Variants in FASTKD2 observed in about 807,000 individuals in gnomAD.
FASTKD2 encodes the protein FAST kinase domains 2, also known as FAST kinase domain-containing protein 2, mitochondrial.
A neutral mutation model predicts 63.6 loss-of-function variants in FASTKD2; 51 were observed. The ratio of observed to expected loss-of-function variants is 0.80; its 90% confidence interval spans 0.64 to 1.01. The LOEUF (loss-of-function observed/expected upper bound fraction) is 1.01. Among genes scored for constraint, FASTKD2 ranks in the 50% least tolerant of loss-of-function variants. FASTKD2 has a pLI of 0.00. For missense variants in FASTKD2, 786 were observed against 831.1 expected (o/e 0.95, Z 0.67); for synonymous variants, 284 against 293.4 (o/e 0.97, Z 0.33).
In FASTKD2 at chr2:206,767,295, G is replaced by T. The variant is rs150994958; in HGVS notation, c.602G>T (p.Arg201Leu). The change falls in exon 2 of 12, where the codon CGC becomes CTC. Residue 201 changes from arginine (R) to leucine (L), a missense_variant. Coordinates refer to ENST00000402774, the MANE Select transcript of FASTKD2 (RefSeq NM_001136193.2). ...AAAAGACTGTCTGATGACCAGAAGC[G>T]CTTTGAAAAACGACTGATGTTTAGC... Reference protein sequence around the residue: ...IAKRLSDDQKRFEKRLMFSHP... With the variant: ...IAKRLSDDQKLFEKRLMFSHP... 1 of 1,614,162 alleles carries T rather than the reference G, an allele frequency of 6.2e-7. No individual in the cohort carries two copies. The highest frequency in any genetic ancestry group is 1.3e-5 in the African/African-American group (1 of 75,040).
Position 206,794,187 on chromosome 2 carries a change from G to T in FASTKD2, c.*2385G>T, listed in dbSNP as rs535326271. 1.3e-5 allele frequency among the ~76,000 whole-genome samples: 2 copies of T among 151,942 alleles called. No homozygotes were observed. The highest frequency in any genetic ancestry group is 6.6e-5 in the Admixed American group (1 of 15,262). On this transcript the variant is annotated 3_prime_UTR_variant, in exon 12 of 12. Coordinates refer to ENST00000402774, the MANE Select transcript of FASTKD2 (RefSeq NM_001136193.2). ...ATGAATATATCTATCACCTCTAAAA[G>T]GTTCCTGTCTTTGCTTTTTTCTCTG... is the stretch of plus-strand genomic sequence containing the variant.
In FASTKD2 at chr2:206,791,642, A is replaced by G. The variant is rs751560000; in HGVS notation, c.2014-41A>G. The G allele has an allele frequency of 2.5e-6, 4 of 1,594,944 alleles. No individual in the cohort carries two copies. In the East Asian group the frequency reaches 9.0e-5, roughly 36 times the overall value. ...TCTCTAAACTAGCTCTTTTGTTAGT[A>G]TCGTCTCACAAACTGATTATTTTCC... On this transcript the variant is annotated intron_variant, in intron 11 of 11. Coordinates refer to ENST00000402774, the MANE Select transcript of FASTKD2 (RefSeq NM_001136193.2).
rs187319996 is a variant in FASTKD2, at chr2:206,781,384, C to T, written c.1428-5349C>T. On this transcript the variant is annotated intron_variant, in intron 7 of 11. Coordinates refer to ENST00000402774, the MANE Select transcript of FASTKD2 (RefSeq NM_001136193.2). ...AGGCTGGAGTGCAGTGGCACGATCT[C>T]GGCTTACTGCAACCTCTGCCTCCCA... 2.6e-3 allele frequency among the ~76,000 whole-genome samples: 341 copies of T among 130,140 alleles called. 2 individuals carry two copies. Among genetic ancestry groups the T allele is most frequent in the African/African-American group, 9.0e-3 (319 of 35,390 alleles). 85.4% of individuals were successfully genotyped at this position (130,140 alleles called of 152,430 possible). A position where few individuals can be genotyped will look rare whatever the true frequency, so the allele number is the denominator to read the frequency against.
At chr2:206,768,393 A>T (rs1689582173) in intron 2 of FASTKD2, among the ~76,000 whole-genome samples, 1 of 152,104 alleles carries the variant, frequency 6.6e-6, no homozygotes, top group Admixed American at 6.5e-5. Context: ...TGACGTATAA[A>T]CTCAGTGATA....
At position 206,772,257 on chromosome 2, in the gene FASTKD2, G is replaced by A. The variant is rs1689704901; in HGVS notation, c.1191G>A (p.Leu397=). The A allele has an allele frequency of 6.2e-7, 1 of 1,613,696 alleles. No individual in the cohort carries two copies. The highest frequency in any genetic ancestry group is 1.7e-5 in the Admixed American group (1 of 60,006). Residue 397 remains leucine (L), a synonymous_variant, in exon 6 of 12, where the codon TTG becomes TTA. Coordinates refer to ENST00000402774, the MANE Select transcript of FASTKD2 (RefSeq NM_001136193.2). ...QSCKDLQYHN[L]DLFKGLADYV... ...GCAAAGACCTCCAGTACCATAATTT[G>A]GATCTCTTCAAGGGACTTGCAGATT...
At chr2:206,783,886 A>G (rs1690063040) in intron 7 of FASTKD2, among the ~76,000 whole-genome samples, 1 of 152,198 alleles carries the variant, frequency 6.6e-6, no homozygotes, top group Non-Finnish European at 1.5e-5. Flanking sequence ...TTTAGTTGCC[A>G]CAACAGGAGG....
At chr2:206,769,623 AG>A (rs1689612910) in intron 2 of FASTKD2, among the ~76,000 whole-genome samples, 1 of 152,214 alleles carries the variant, frequency 6.6e-6, no homozygotes, top group South Asian at 2.1e-4. Flanking sequence ...GTAAAGTTTC[AG>A]CTTGATACCC....
chr2:206,777,008 AC>A (rs1407575508), intron 7 of FASTKD2, among the ~76,000 whole-genome samples: 3 of 137,682 alleles, frequency 2.2e-5, no homozygotes, highest in African/African-American at 7.9e-5. Flanking sequence ...CAAGTCTTTC[AC>A]TTCCTTAAGT....
intron 6 of FASTKD2, 34 bp from the exon 7 acceptor site, chr2:206,774,190 AT>A (rs750100577): frequency 4.0e-5 from 58 of 1,461,302 alleles, no homozygotes; most frequent in Non-Finnish European, 4.9e-5. Context: ...TACTGTAATT[AT>A]TATAGAGTTT....
Position 206,790,651 on chromosome 2 carries a change from C to A in FASTKD2, c.1978C>A (p.Arg660=), listed in dbSNP as rs186489901. The A allele has an allele frequency of 1.2e-6, 2 of 1,611,726 alleles. No individual in the cohort carries two copies. The highest frequency in any genetic ancestry group is 1.1e-5 in the South Asian group (1 of 91,044). Residue 660 remains arginine, a synonymous_variant, in exon 11 of 12, where the codon CGG becomes AGG. Coordinates refer to ENST00000402774, the MANE Select transcript of FASTKD2 (RefSeq NM_001136193.2). ...HPRGFLAMKM[R]HLNAMGFHVI... ...CAGAGGATTCCTTGCTATGAAAATG[C>A]GGCATTTGAATGCAATGGGTTTTCA...
chr2:206,792,952 C>T lies in FASTKD2; in HGVS notation c.*1150C>T, dbSNP rs911114959. On this transcript the variant is annotated 3_prime_UTR_variant, in exon 12 of 12. Transcript: ENST00000402774. ...GAAAATACAAAAACTGGGCTGGGCA[C>T]GGTGGCTCGTGCTTGTCATCCCAGC... 2.0e-5 allele frequency among the ~76,000 whole-genome samples: 3 copies of T among 152,096 alleles called. No individual in the cohort carries two copies. Among genetic ancestry groups the T allele is most frequent in the Non-Finnish European group, 2.9e-5 (2 of 68,022 alleles).
intron 5 of FASTKD2, 59 bp from the exon 6 acceptor site, chr2:206,772,122 C>T (rs1364098421): frequency 1.9e-6 from 3 of 1,586,674 alleles, no homozygotes; most frequent in South Asian, 1.1e-5. Context: ...AAGAATAAAG[C>T]ATGTTGTATT....
chr2:206,785,443 T>G (rs1690114635), intron 7 of FASTKD2, among the ~76,000 whole-genome samples: 1 of 152,094 alleles, frequency 6.6e-6, no homozygotes, highest in African/African-American at 2.4e-5. Flanking sequence ...CATGGAAAGA[T>G]AAGCAGGAAA....
At position 206,794,585 on chromosome 2, in the gene FASTKD2, A is replaced by G. The variant is rs992977864; in HGVS notation, c.*2783A>G. On this transcript the variant is annotated 3_prime_UTR_variant, in exon 12 of 12. Coordinates refer to ENST00000402774, the MANE Select transcript of FASTKD2 (RefSeq NM_001136193.2). ...ACATTTACCAGCTCTCCGAATTCTC[A>G]GTAGTTACCACTGAATAGAAACTTT... Among the ~76,000 whole-genome samples the G allele has an allele frequency of 2.0e-5, 3 of 152,192 alleles. No homozygotes were observed. The South Asian group carries it at 6.2e-4, about 32-fold the overall frequency.
rs1386506468 is a variant in FASTKD2 at position 206,791,922 on chromosome 2, C to G, written c.*120C>G. 1.2e-6 allele frequency: 1 copy of G among 859,688 alleles called. No homozygotes were observed. The highest frequency in any genetic ancestry group is 2.6e-5 in the East Asian group (1 of 37,792). The allele number at this position is 859,688 out of a possible 1,614,324, so 53.3% of individuals were successfully genotyped here. A position where few individuals can be genotyped will look rare whatever the true frequency, so the allele number is the denominator to read the frequency against. ...AGACAAAAAATGTTACCTCAGTTCA[C>G]TATTAAAATTAATTTTAGGAGTGGA... On this transcript the variant is annotated 3_prime_UTR_variant, in exon 12 of 12. Coordinates refer to ENST00000402774, the MANE Select transcript of FASTKD2 (RefSeq NM_001136193.2).
chr2:206,766,911 T>C lies in FASTKD2; in HGVS notation c.218T>C (p.Ile73Thr), dbSNP rs372274271. The C allele has an allele frequency of 3.8e-6, 6 of 1,598,004 alleles. No individual in the cohort carries two copies. Among genetic ancestry groups the C allele is most frequent in the Admixed American group, 1.7e-5 (1 of 57,818 alleles). ...CATAACAGAATGCAATCAACTGATA[T>C]CATTAGATATCTCTTTCAGGATGCA... ...NFHNRMQSTD[I>T]IRYLFQDAFI... Residue 73 changes from isoleucine to threonine, a missense_variant, in exon 2 of 12, where the codon ATC becomes ACC. Transcript: ENST00000402774.
At chr2:206,776,286 T>A (rs1689823388) in intron 7 of FASTKD2, among the ~76,000 whole-genome samples, 1 of 151,902 alleles carries the variant, frequency 6.6e-6, no homozygotes, top group Admixed American at 6.6e-5. Context: ...TTATCATATG[T>A]ATGGTTTGCA....
Position 206,790,691 on chromosome 2 carries a change from G to C in FASTKD2, c.2013+5G>C. ...ATGGGTTTTCATGTGATCTTGGTGAGAAAAAAATGCAAATGAAATATTCTT... is the reference window on the plus strand; with the variant it reads ...ATGGGTTTTCATGTGATCTTGGTGACAAAAAAATGCAAATGAAATATTCTT... On this transcript the variant is annotated splice_donor_5th_base_variant and intron_variant, in intron 11 of 11. Coordinates refer to ENST00000402774, the MANE Select transcript of FASTKD2 (RefSeq NM_001136193.2). The C allele has an allele frequency of 6.6e-7, 1 of 1,507,112 alleles. No individual in the cohort carries two copies. The highest frequency in any genetic ancestry group is 9.2e-7 in the Non-Finnish European group (1 of 1,082,582). The allele number at this position is 1,507,112 out of a possible 1,614,324, so 93.4% of individuals were successfully genotyped here.
rs1402156248 is a variant in FASTKD2, at chr2:206,796,095, T to C, written c.*4293T>C. The stretch of plus-strand genomic sequence containing the variant: ...CTAAACTAGGTTGCAGTGGTTTCTG[T>C]TATCAGCAAGTAAATCCTGATTGAT... On this transcript the variant is annotated 3_prime_UTR_variant, in exon 12 of 12. Transcript: ENST00000402774. Among the ~76,000 whole-genome samples, 2 of 152,228 alleles carry C rather than the reference T, an allele frequency of 1.3e-5. No individual in the cohort carries two copies. Among genetic ancestry groups the C allele is most frequent in the Non-Finnish European group, 1.5e-5 (1 of 68,036 alleles).
Sources: allele counts gnomAD v4.1 joint callset (sites outside exome capture counted in the v4.1 genomes callset), GRCh38; gene constraint gnomAD v4.1.1; transcripts MANE v1.5; gene names NCBI Gene and HGNC (gene_info 2026-07-23, HGNC 2026-07-21).